Variants in TRIM45 observed in about 807,000 individuals in gnomAD.
TRIM45 encodes the protein E3 ubiquitin-protein ligase TRIM45.
A neutral mutation model predicts 46.7 loss-of-function variants in TRIM45; 45 were observed. That is an observed-to-expected ratio of 0.96 (90% CI 0.76 to 1.24). TRIM45 has a LOEUF of 1.24. TRIM45 is among the 50% of genes most tolerant of loss of function. The pLI, the probability that TRIM45 is intolerant of heterozygous loss-of-function variation, is 0.00. For synonymous variants in TRIM45, 259 were observed against 285.8 expected, an observed-to-expected ratio of 0.91 and a Z score of 0.94; for missense variants, 680 against 728.4, an observed-to-expected ratio of 0.93 and a Z score of 0.77.
rs1650454986 is a variant in TRIM45, at chr1:117,117,681, C to T, written c.1222+353G>A. ...CTAGGAATCCAGGGCCTGCCATGCT[C>T]CTCTCTGAGCAGGCAGAATTTCACC... is the stretch of plus-strand genomic sequence containing the variant. On this transcript the variant is annotated intron_variant, in intron 2 of 5. Coordinates refer to ENST00000256649, the MANE Select transcript of TRIM45 (RefSeq NM_025188.4). This position sits in a 1 kb window ranked among gnomAD's most constrained non-coding sequence, Gnocchi z 4.9. 6.6e-6 allele frequency among the ~76,000 whole-genome samples: 1 copy of T among 152,196 alleles called. No homozygotes were observed. The highest frequency in any genetic ancestry group is 6.5e-5 in the Admixed American group (1 of 15,288).
In TRIM45 at chr1:117,115,722, C is replaced by G; in HGVS notation, c.1353-33G>C. On this transcript the variant is annotated intron_variant, in intron 3 of 5. Coordinates refer to ENST00000256649, the MANE Select transcript of TRIM45 (RefSeq NM_025188.4). This position sits in a 1 kb window ranked among gnomAD's most constrained non-coding sequence, Gnocchi z 4.2. Reference sequence around the variant, plus strand: ...GAGATAAGAGTCAAAACACCACTCACTTCCACAAGCTGGCTTCAGTTGCTA... The same window carrying G: ...GAGATAAGAGTCAAAACACCACTCAGTTCCACAAGCTGGCTTCAGTTGCTA... 4.8e-6 allele frequency: 7 copies of G among 1,462,568 alleles called. No homozygotes were observed. Among genetic ancestry groups the G allele is most frequent in the Non-Finnish European group, 6.7e-6 (7 of 1,042,130 alleles). 90.6% of individuals were successfully genotyped at this position (1,462,568 alleles called of 1,614,324 possible).
Position 117,116,678 on chromosome 1 carries a change from T to C in TRIM45, c.1290A>G (p.Glu430=), listed in dbSNP as rs767961730. The change falls in exon 3 of 6, where the codon GAA becomes GAG. Residue 430 remains glutamate, a synonymous_variant. Coordinates refer to ENST00000256649, the MANE Select transcript of TRIM45 (RefSeq NM_025188.4). This position sits in a 1 kb window ranked among gnomAD's most constrained non-coding sequence, Gnocchi z 4.6. The part of the protein sequence containing the change: ...FTLLCKDAAG[E]IMGRGGDNVQ... ...CGTTGTCTCCTCCCCTGCCCATGAT[T>C]TCTCCTGCGGCATCCTTACAAAGCA... 1 of 1,614,130 alleles carries C rather than the reference T, an allele frequency of 6.2e-7. No individual in the cohort carries two copies. Among genetic ancestry groups the C allele is most frequent in the Non-Finnish European group, 8.5e-7 (1 of 1,180,014 alleles).
rs755592 is a variant in TRIM45, at chr1:117,117,509, A to G, written c.1222+525T>C. Among the ~76,000 whole-genome samples, 67,258 of 152,058 alleles carry G rather than the reference A, an allele frequency of 0.44. 15,360 individuals are homozygous for G. Among genetic ancestry groups the G allele is most frequent in the African/African-American group, 0.54 (22,578 of 41,438 alleles). On this transcript the variant is annotated intron_variant, in intron 2 of 5. Coordinates refer to ENST00000256649, the MANE Select transcript of TRIM45 (RefSeq NM_025188.4). This position sits in a 1 kb window ranked among gnomAD's most constrained non-coding sequence, Gnocchi z 4.9. ...ATTAGAAAGGGAACACTCGTTAAAA[A>G]AAACCATTTTTTCCCCCAATTAAAT...
chr1:117,118,069 T>C lies in TRIM45; in HGVS notation c.1187A>G (p.Glu396Gly), dbSNP rs376050883. 2 of 1,614,170 alleles carry C rather than the reference T, an allele frequency of 1.2e-6. No homozygotes were observed. Among genetic ancestry groups the C allele is most frequent in the East Asian group, 2.2e-5 (1 of 44,880 alleles). The change falls in exon 2 of 6, where the codon GAG becomes GGG. Residue 396 changes from glutamate to glycine, a missense_variant. Glu to Gly is a moderately conservative substitution (Grantham distance 98). This residue lies in a region of TRIM45 where 322 missense variants were observed against 359.3 expected (regional missense o/e 0.90). Transcript: ENST00000256649. This position sits in a 1 kb window ranked among gnomAD's most constrained non-coding sequence, Gnocchi z 5.7. The stretch of plus-strand genomic sequence containing the variant: ...TAGGACACATTTGGCTGGATCAACC[T>C]CTTTGGTATTAATCGTACCATAAAT... The part of the protein sequence containing the change: ...YEIYGTINTK[E>G]VDPAKCVLQG...
chr1:117,113,415 A>T lies in TRIM45; in HGVS notation c.1538T>A (p.Phe513Tyr). ...GGTTTTCTGGCCCCCGCTGGAGCAG[A>T]AGGTGCAGCAGTGAAACACGCCTGA... ...PHSGVFHCCT[F>Y]CSSGGQKTAR... The change falls in exon 5 of 6, where the codon TTC becomes TAC. Residue 513 changes from phenylalanine to tyrosine, a missense_variant. By Grantham distance (22) the Phe-to-Tyr change is conservative. Transcript: ENST00000256649. The surrounding 1 kb of genome is among the most constrained non-coding windows in gnomAD (Gnocchi z 4.0). 2 of 1,612,484 alleles carry T rather than the reference A, an allele frequency of 1.2e-6. No individual in the cohort carries two copies. Among genetic ancestry groups the T allele is most frequent in the Non-Finnish European group, 1.7e-6 (2 of 1,179,966 alleles).
chr1:117,123,655 G>C (rs1307418685), upstream of TRIM45, among the ~76,000 whole-genome samples: 2 of 146,480 alleles, frequency 1.4e-5, no homozygotes, highest in African/African-American at 2.5e-5. Flanking sequence ...TTGAGATTGA[G>C]TTTTGCTCTT....
rs1311409170 is a variant in TRIM45 at position 117,118,615 on chromosome 1, C to G, written c.641G>C (p.Cys214Ser). 1 of 1,614,142 alleles carries G rather than the reference C, an allele frequency of 6.2e-7. No individual in the cohort carries two copies. Among genetic ancestry groups the G allele is most frequent in the Admixed American group, 1.7e-5 (1 of 60,028 alleles). Residue 214 changes from cysteine (C) to serine (S), a missense_variant, in exon 2 of 6, where the codon TGT (cysteine) becomes TCT (serine). Around this residue, in one of 3 missense-constraint regions of TRIM45, gnomAD observed 349 missense variants for 343.6 expected, o/e 1.02. Transcript: ENST00000256649. This position sits in a 1 kb window ranked among gnomAD's most constrained non-coding sequence, Gnocchi z 5.7. The part of the protein sequence containing the change: ...EFCDRPVCQD[C>S]VVGEHREHPC... ...GTGTTCCCGATGCTCCCCCACCACA[C>G]AATCCTGGCACACGGGCCGGTCACA...
rs1327994762 is a variant in TRIM45 at position 117,113,222 on chromosome 1, G to A, written c.1594+137C>T. ...TAAGTGACACTTTTAGAACAGTGGTGTCTCTACAATCACAGACTGTGCTTC... is the reference window on the plus strand; with the variant it reads ...TAAGTGACACTTTTAGAACAGTGGTATCTCTACAATCACAGACTGTGCTTC... On this transcript the variant is annotated intron_variant, in intron 5 of 5. Coordinates refer to ENST00000256649, the MANE Select transcript of TRIM45 (RefSeq NM_025188.4). The surrounding 1 kb of genome is among the most constrained non-coding windows in gnomAD (Gnocchi z 4.0). 15 of 1,234,790 alleles carry A rather than the reference G, an allele frequency of 1.2e-5. No individual in the cohort carries two copies. The East Asian group carries it at 3.1e-4, about 25-fold the overall frequency. The allele number at this position is 1,234,790 out of a possible 1,614,324, so 76.5% of individuals were successfully genotyped here. A position where few individuals can be genotyped will look rare whatever the true frequency, so the allele number is the denominator to read the frequency against.
At chr1:117,119,256 T>A (rs929135455) in intron 1 of TRIM45, among the ~76,000 whole-genome samples, 9 of 152,226 alleles carry the variant, frequency 5.9e-5, no homozygotes, top group Non-Finnish European at 1.3e-4. Context: ...TTGACCTGTA[T>A]CACCCAAATC....
intron 1 of TRIM45, 27 bp downstream of exon 1, chr1:117,120,687 A>T (rs1380732950): frequency 6.4e-7 from 1 of 1,568,882 alleles, no homozygotes; most frequent in East Asian, 2.2e-5. Context: ...CTCTTAAGCT[A>T]CACCTGATGG....
At chr1:117,114,199 G>T (rs1185382382) in intron 4 of TRIM45, among the ~76,000 whole-genome samples, 1 of 152,192 alleles carries the variant, frequency 6.6e-6, no homozygotes, top group South Asian at 2.1e-4. Flanking sequence ...ATGGAAGGGA[G>T]AAAGGTTAAA....
Position 117,121,586 on chromosome 1 carries a change from G to T in TRIM45, c.-385C>A. ...CCGCCCGCCCCACTGCGCGCCACAC[G>T]CGACAAGCGCCGACCCCACCCGCGC... On this transcript the variant is annotated 5_prime_UTR_variant, in exon 1 of 6. Coordinates refer to ENST00000256649, the MANE Select transcript of TRIM45 (RefSeq NM_025188.4). The surrounding 1 kb of genome is among the most constrained non-coding windows in gnomAD (Gnocchi z 4.2). 1 of 273,508 alleles carries T rather than the reference G, an allele frequency of 3.7e-6. No homozygotes were observed. Among genetic ancestry groups the T allele is most frequent in the Non-Finnish European group, 7.0e-6 (1 of 142,064 alleles). 16.9% of individuals were successfully genotyped at this position (273,508 alleles called of 1,614,324 possible). A position where few individuals can be genotyped will look rare whatever the true frequency, so the allele number is the denominator to read the frequency against.
rs145680896 is a variant in TRIM45 at position 117,112,336 on chromosome 1, G to A, written c.1712C>T (p.Pro571Leu). Reference protein sequence around the residue: ...ECTWTGGQSAPRSLLRTVAL With the variant: ...ECTWTGGQSALRSLLRTVAL ...AGCCACAGTCCTAAGTAGACTCCTC[G>A]GTGCGCTCTGCCCACCTGTCCATGT... Residue 571 changes from proline to leucine, a missense_variant, in exon 6 of 6, where the codon CCG (proline) becomes CTG (leucine). Pro to Leu is a moderately conservative substitution (Grantham distance 98, BLOSUM62 -3). This residue lies in a region of TRIM45 where 322 missense variants were observed against 359.3 expected (regional missense o/e 0.90). Transcript: ENST00000256649. The A allele has an allele frequency of 7.4e-6, 12 of 1,613,066 alleles. No individual in the cohort carries two copies. Among genetic ancestry groups the A allele is most frequent in the South Asian group, 2.2e-5 (2 of 90,922 alleles).
At chr1:117,123,625 CTT>C (rs111567538), upstream of TRIM45, among the ~76,000 whole-genome samples, 3 of 144,092 alleles carry the variant, frequency 2.1e-5, no homozygotes, top group African/African-American at 5.1e-5. Context: ...CTACCTTTCC[CTT>C]TTTTTTTTTT....
Position 117,117,948 on chromosome 1 carries a change from G to A in TRIM45, c.1222+86C>T, listed in dbSNP as rs766073123. 17 of 1,515,622 alleles carry A rather than the reference G, an allele frequency of 1.1e-5. No homozygotes were observed. Among genetic ancestry groups the A allele is most frequent in the Non-Finnish European group, 1.5e-5 (17 of 1,120,658 alleles). 93.9% of individuals were successfully genotyped at this position (1,515,622 alleles called of 1,614,324 possible). On this transcript the variant is annotated intron_variant, in intron 2 of 5. Coordinates refer to ENST00000256649, the MANE Select transcript of TRIM45 (RefSeq NM_025188.4). The surrounding 1 kb of genome is among the most constrained non-coding windows in gnomAD (Gnocchi z 4.9). Reference sequence around the variant, plus strand: ...TTTGGTAACCTGGTCAGTAGGGCATGCTTCCTAGCAGAACAAGCCACCAAT... The same window carrying A: ...TTTGGTAACCTGGTCAGTAGGGCATACTTCCTAGCAGAACAAGCCACCAAT...
At position 117,112,485 on chromosome 1, in the gene TRIM45, C is replaced by A. The variant is rs374845266; in HGVS notation, c.1595-32G>T. ...GGGACAAAGAGGAAAGGACAAAAAT[C>A]AACCATTAGCGTGGAGGCCAGCAGT... On this transcript the variant is annotated intron_variant, in intron 5 of 5. Transcript: ENST00000256649. 1.1e-5 allele frequency: 18 copies of A among 1,583,046 alleles called. 1 individual carries two copies. The Admixed American group carries it at 3.2e-4, about 28-fold the overall frequency.
In TRIM45 at chr1:117,120,785, G is replaced by A. The variant is rs368137110; in HGVS notation, c.417C>T (p.Asn139=). ...GACACCTCTTCTCTACTTCCCTGTC[G>A]TTGCACAGGTCACACACCAGGCCCT... ...EGQGLVCDLC[N]DREVEKRCQT... is the part of the protein sequence containing the mutation. The change falls in exon 1 of 6, where the codon AAC becomes AAT. Residue 139 remains asparagine, a synonymous_variant. Transcript: ENST00000256649. The A allele has an allele frequency of 1.2e-6, 2 of 1,614,014 alleles. No homozygotes were observed. The highest frequency in any genetic ancestry group is 1.7e-5 in the Admixed American group (1 of 60,002).
chr1:117,115,822 C>A lies in TRIM45; in HGVS notation c.1353-133G>T, dbSNP rs1275661094. ...ATATACCCAAACAGGATGCTTCTTC[C>A]ATTTGCTTCAGAAGTTAATTTTACA... On this transcript the variant is annotated intron_variant, in intron 3 of 5. Transcript: ENST00000256649. This position sits in a 1 kb window ranked among gnomAD's most constrained non-coding sequence, Gnocchi z 4.2. 9 of 624,748 alleles carry A rather than the reference C, an allele frequency of 1.4e-5. No homozygotes were observed. Among genetic ancestry groups the A allele is most frequent in the Non-Finnish European group, 2.3e-5 (8 of 348,156 alleles). The allele number at this position is 624,748 out of a possible 1,614,324, so 38.7% of individuals were successfully genotyped here.
chr1:117,119,542 G>A (rs1388207865), intron 1 of TRIM45, among the ~76,000 whole-genome samples: 3 of 152,102 alleles, frequency 2.0e-5, no homozygotes, highest in Non-Finnish European at 4.4e-5. Context: ...AGGAGGTGGA[G>A]GTTGCAGTGA....
Sources: allele counts gnomAD v4.1 joint callset (sites outside exome capture counted in the v4.1 genomes callset), GRCh38; gene constraint gnomAD v4.1.1; regional missense constraint gnomAD v4.1.1; non-coding constraint Gnocchi (gnomAD v3.1); transcripts MANE v1.5; gene names NCBI Gene and HGNC (gene_info 2026-07-23, HGNC 2026-07-21).